The following COLEC10 variants were observed in gnomAD, a reference collection of about 807,000 sequenced individuals.
The protein encoded by COLEC10 is collectin-10.
Under a neutral mutation model 28.4 loss-of-function variants are expected in COLEC10, and 22 were observed. The observed-to-expected ratio is 0.78, with a 90% CI of 0.55 to 1.11. The LOEUF is 1.11. COLEC10 is among the 50% of genes least tolerant of loss of function. COLEC10 has a pLI of 0.00. For synonymous variants in COLEC10, 125 were observed against 116.1 expected (o/e 1.08, Z -0.49); for missense variants, 361 against 344.1 (o/e 1.05, Z -0.39).
intron 2 of COLEC10, among the ~76,000 whole-genome samples, chr8:119,020,345 A>G (rs954713263): frequency 6.6e-6 from 1 of 152,184 alleles, no homozygotes. Flanking sequence ...TTTACCAGGT[A>G]CTGTTTTAGG....
At chr8:118,980,755 C>G in the COLEC10 span, among the ~76,000 whole-genome samples, 1 of 151,828 alleles carries the variant, frequency 6.6e-6, no homozygotes, top group African/African-American at 2.4e-5. Flanking sequence ...TAGACACGTT[C>G]AAAAATTCAG....
At chr8:119,053,786 G>C (rs1345014543) in intron 2 of COLEC10, among the ~76,000 whole-genome samples, 3 of 151,972 alleles carry the variant, frequency 2.0e-5, no homozygotes, top group African/African-American at 7.2e-5. Context: ...GATTTAGTCT[G>C]TTGACTTCAA....
chr8:119,009,808 GT>G (rs1218358420), intron 2 of COLEC10, among the ~76,000 whole-genome samples: 1 of 149,172 alleles, frequency 6.7e-6, no homozygotes, highest in African/African-American at 2.6e-5. Context: ...ATAAAAGAGT[GT>G]AACAACTTAC....
intron 2 of COLEC10, among the ~76,000 whole-genome samples, chr8:119,029,183 A>T (rs1366204010): frequency 6.6e-6 from 1 of 152,198 alleles, no homozygotes; most frequent in Admixed American, 6.5e-5. Flanking sequence ...TTTAGACTTT[A>T]TGCAAGGGTA....
chr8:118,993,634 C>G (rs867232591), upstream of COLEC10, among the ~76,000 whole-genome samples: 3 of 152,136 alleles, frequency 2.0e-5, no homozygotes, highest in African/African-American at 7.2e-5. Context: ...AGATTACAGG[C>G]GTGAGCCACC....
intron 1 of COLEC10, among the ~76,000 whole-genome samples, chr8:119,070,323 T>A (rs1815076976): frequency 6.6e-6 from 1 of 152,186 alleles, no homozygotes; most frequent in Non-Finnish European, 1.5e-5. Flanking sequence ...TCTAAGTCTG[T>A]TAAGTAACAA....
chr8:118,996,533 A>C (rs1042020419), intron 1 of COLEC10, among the ~76,000 whole-genome samples: 2 of 152,098 alleles, frequency 1.3e-5, no homozygotes, highest in African/African-American at 4.8e-5. Flanking sequence ...GTCTTTTTTT[A>C]AAAAATAAGA....
intron 1 of COLEC10, among the ~76,000 whole-genome samples, chr8:119,004,596 G>T (rs764763470): frequency 1.3e-5 from 2 of 150,630 alleles, no homozygotes; most frequent in Admixed American, 6.6e-5. Flanking sequence ...TATCAATCAA[G>T]AATTGAGAAT....
chr8:118,978,351 A>C, the COLEC10 span, among the ~76,000 whole-genome samples: 1 of 152,074 alleles, frequency 6.6e-6, no homozygotes, highest in Non-Finnish European at 1.5e-5. Flanking sequence ...TATCCAACCA[A>C]AATTTGAAAA....
chr8:119,076,677 G>A (rs921590032), intron 1 of COLEC10, among the ~76,000 whole-genome samples: 2 of 152,222 alleles, frequency 1.3e-5, no homozygotes, highest in Non-Finnish European at 2.9e-5. Flanking sequence ...GCAAGACATT[G>A]TAGCATTGAG....
chr8:119,094,046 T>C (rs1563742092), intron 3 of COLEC10, among the ~76,000 whole-genome samples: 2 of 152,182 alleles, frequency 1.3e-5, no homozygotes, highest in Non-Finnish European at 2.9e-5. Flanking sequence ...CATGTATACT[T>C]ATTGCTAGCA....
rs571676645 is a variant in COLEC10, at chr8:119,056,990, ATTC to A, written n.236-32684_236-32682del. On this transcript the variant is annotated intron_variant and non_coding_transcript_variant, in intron 2 of 6. Coordinates refer to the COLEC10 transcript ENST00000521788. ...ATGTGCTATTCTGTCTATATGGAAT[ATTC>A]TTCTTTTATTCCTCTCCCACTTTAC... Among the ~76,000 whole-genome samples the A allele has an allele frequency of 1.4e-3, 209 of 152,148 alleles. 1 individual carries two copies. Among genetic ancestry groups the A allele is most frequent in the African/African-American group, 4.7e-3 (197 of 41,546 alleles).
At chr8:119,086,525 C>T (rs925408397) in intron 1 of COLEC10, among the ~76,000 whole-genome samples, 2 of 152,098 alleles carry the variant, frequency 1.3e-5, no homozygotes, top group Non-Finnish European at 2.9e-5. Flanking sequence ...GTGCCAGAAG[C>T]CTGCTTGGCC....
the COLEC10 span, among the ~76,000 whole-genome samples, chr8:118,983,586 G>A: frequency 6.6e-6 from 1 of 151,962 alleles, no homozygotes; most frequent in Non-Finnish European, 1.5e-5. Context: ...TGGAAATAGG[G>A]CTCTTAAAGC....
chr8:119,092,227 G>A (rs1222064396), intron 3 of COLEC10, among the ~76,000 whole-genome samples: 6 of 151,844 alleles, frequency 4.0e-5, no homozygotes, highest in Non-Finnish European at 8.8e-5. Flanking sequence ...CCACCACCAC[G>A]CCCAGCTGAT....
the COLEC10 span, among the ~76,000 whole-genome samples, chr8:118,954,534 C>T: frequency 1.8e-4 from 27 of 152,344 alleles, no homozygotes; most frequent in African/African-American, 6.0e-4. Context: ...CTACATTCAT[C>T]TTCCTGTGAC....
At position 119,103,114 on chromosome 8, in the gene COLEC10, T is replaced by C. The variant is rs564165443; in HGVS notation, c.347-686T>C. On this transcript the variant is annotated intron_variant, in intron 4 of 5. Transcript: ENST00000332843. ...CCATTAAATAGAAAAAGAGAATCAT[T>C]TGAATTTTACATCGGTTTCCTTGTA... is the stretch of plus-strand genomic sequence containing the variant. Among the ~76,000 whole-genome samples the C allele has an allele frequency of 2.1e-4, 32 of 152,310 alleles. No individual in the cohort carries two copies. The East Asian group carries it at 5.6e-3, about 27-fold the overall frequency.
At chr8:118,970,267 A>G in the COLEC10 span, among the ~76,000 whole-genome samples, 1 of 152,044 alleles carries the variant, frequency 6.6e-6, no homozygotes, top group East Asian at 1.9e-4. Context: ...GGAAGGACAA[A>G]TCAGAGAGCA....
At chr8:119,069,856 T>C (rs959897497) in intron 1 of COLEC10, among the ~76,000 whole-genome samples, 2 of 151,756 alleles carry the variant, frequency 1.3e-5, no homozygotes, top group Admixed American at 1.3e-4. Flanking sequence ...CTAGTCTTAA[T>C]ACTTTTCTTC....
Sources: allele counts gnomAD v4.1 joint callset (sites outside exome capture counted in the v4.1 genomes callset), GRCh38; gene constraint gnomAD v4.1.1; transcripts MANE v1.5; gene names NCBI Gene and HGNC (gene_info 2026-07-23, HGNC 2026-07-21).